The following ATRX variants were observed in gnomAD, a reference collection of about 807,000 sequenced individuals.
ATRX encodes ATRX chromatin remodeler, also known as chromatin remodeler ATRX.
ATRX carries 12 observed loss-of-function variants against 172.6 expected under a neutral mutation model. The ratio of observed to expected loss-of-function variants is 0.07; its 90% confidence interval spans 0.04 to 0.11. ATRX has a LOEUF of 0.11. ATRX is among the 10% of genes least tolerant of loss of function. ATRX has a pLI of 1.00. For synonymous variants in ATRX, 674 were observed against 594.7 expected (o/e 1.13, Z -1.94); for missense variants, 1,368 against 1,767.4 (o/e 0.77, Z 4.05).
chrX:77,696,948 T>C (rs1185664657), intron 4 of ATRX, among the ~76,000 whole-genome samples: 1 of 111,843 alleles, frequency 8.9e-6, no homozygotes, highest in African/African-American at 3.2e-5. Flanking sequence ...GACACTCTTC[T>C]TTAAGAATCA....
chrX:77,593,054 T>C (rs931071546), intron 26 of ATRX, among the ~76,000 whole-genome samples: 1 of 107,343 alleles, frequency 9.3e-6, no homozygotes. Context: ...TGAAACCCTA[T>C]CTCTGCTAAA....
At chrX:77,656,409 T>C (rs182368929) in intron 13 of ATRX, 151 bp downstream of exon 13, 1 of 482,449 alleles carries the variant, frequency 2.1e-6, no homozygotes, top group East Asian at 3.8e-5. Flanking sequence ...TTAGATTCTT[T>C]TTAAACTATT....
chrX:77,528,195 A>G (rs1201259415), intron 30 of ATRX, among the ~76,000 whole-genome samples: 5 of 110,522 alleles, frequency 4.5e-5, no homozygotes, highest in Non-Finnish European at 9.5e-5. Flanking sequence ...TTGTAGCCAG[A>G]CTGCTTCTTT....
intron 30 of ATRX, among the ~76,000 whole-genome samples, chrX:77,527,392 G>A (rs1164799715): frequency 8.9e-6 from 1 of 112,061 alleles, no homozygotes; most frequent in African/African-American, 3.2e-5. Flanking sequence ...GGAGCAAAAG[G>A]AACCCCCACC....
chrX:77,589,794 G>GT, intron 27 of ATRX, 40 bp downstream of exon 27: 2 of 1,088,219 alleles, frequency 1.8e-6, no homozygotes, highest in Non-Finnish European at 2.5e-6. Context: ...GTTTAAATCA[G>GT]TATTTTTAAA....
At chrX:77,632,857 C>T (rs2068175113) in intron 19 of ATRX, among the ~76,000 whole-genome samples, 1 of 111,657 alleles carries the variant, frequency 9.0e-6, no homozygotes, top group South Asian at 3.7e-4. Flanking sequence ...TTTGGAAAGA[C>T]ACAAACTGTT....
intron 27 of ATRX, among the ~76,000 whole-genome samples, chrX:77,586,365 G>A (rs2066021611): frequency 1.8e-5 from 2 of 112,030 alleles, no homozygotes; most frequent in Admixed American, 1.9e-4. Flanking sequence ...CATGAAAGAT[G>A]AAGAATGGAT....
chrX:77,545,223 T>A (rs141207101), intron 30 of ATRX, among the ~76,000 whole-genome samples: 2,086 of 112,174 alleles, frequency 0.019, 40 homozygotes, highest in African/African-American at 0.063. Flanking sequence ...GCACATATAA[T>A]CATCATCCCC....
At chrX:77,700,332 C>T (rs1245349672) in intron 2 of ATRX, among the ~76,000 whole-genome samples, 3 of 112,016 alleles carry the variant, frequency 2.7e-5, no homozygotes, top group Non-Finnish European at 5.6e-5. Context: ...ACACTGACTA[C>T]ATCAAAACTG....
chrX:77,667,077 T>C (rs1300856095), intron 10 of ATRX, among the ~76,000 whole-genome samples: 2 of 109,514 alleles, frequency 1.8e-5, no homozygotes, highest in Non-Finnish European at 3.8e-5. Context: ...TATAGTTCTA[T>C]TTAAAAAAAA....
intron 34 of ATRX, among the ~76,000 whole-genome samples, chrX:77,508,943 CCTTT>C (rs1368375602): frequency 5.3e-5 from 6 of 112,196 alleles, no homozygotes; most frequent in African/African-American, 1.3e-4. Context: ...TGTTAAGACT[CCTTT>C]CTTTGTCATT....
chrX:77,592,544 G>A (rs2066306575), intron 26 of ATRX, among the ~76,000 whole-genome samples: 1 of 111,348 alleles, frequency 9.0e-6, no homozygotes, highest in Non-Finnish European at 1.9e-5. Context: ...CGGGCGTGGT[G>A]TCTCACGCCT....
intron 1 of ATRX, among the ~76,000 whole-genome samples, chrX:77,729,697 G>A (rs1557175222): frequency 8.9e-6 from 1 of 111,794 alleles, no homozygotes; most frequent in African/African-American, 3.2e-5. Flanking sequence ...CACTTTGGGA[G>A]GCCAAGGTGG....
intron 12 of ATRX, 73 bp from the exon 13 acceptor site, chrX:77,656,726 G>T: frequency 1.2e-6 from 1 of 842,175 alleles, no homozygotes; most frequent in Non-Finnish European, 1.7e-6. Context: ...ATTTACCACT[G>T]ACTCGACATT....
At chrX:77,716,110 ATTTTTTTTTTTTTTTTTTTTTTT>A (rs199639051) in intron 2 of ATRX, among the ~76,000 whole-genome samples, 1 of 54,405 alleles carries the variant, frequency 1.8e-5, no homozygotes, top group Non-Finnish European at 2.9e-5. Flanking sequence ...GTCTCTAAAA[ATTTTTTTTTTTTTTTTTTTTTTT>A]TTTTTTTTTT....
At chrX:77,589,451 A>C (rs1367557701) in intron 27 of ATRX, among the ~76,000 whole-genome samples, 1 of 111,911 alleles carries the variant, frequency 8.9e-6, no homozygotes, top group Non-Finnish European at 1.9e-5. Context: ...TTAGAAACCA[A>C]AAAGTTTTAA....
chrX:77,590,088 T>C lies in ATRX; in HGVS notation c.6111-148A>G, dbSNP rs372870011. On this transcript the variant is annotated intron_variant, in intron 26 of 34. Coordinates refer to ENST00000373344, the MANE Select transcript of ATRX (RefSeq NM_000489.6). ...AATTACAAGGTGATTGTAAAATGTA[T>C]ATGAGAATGCCACCTCAGAGGAGGG... is the stretch of plus-strand genomic sequence containing the variant. 1.8e-5 allele frequency: 9 copies of C among 507,154 alleles called. No individual in the cohort carries two copies. In the East Asian group the frequency reaches 2.3e-4, roughly 13 times the overall value. 41.8% of individuals were successfully genotyped at this position (507,154 alleles called of 1,213,427 possible).
At chrX:77,624,091 G>A (rs2067709751) in intron 19 of ATRX, among the ~76,000 whole-genome samples, 1 of 111,889 alleles carries the variant, frequency 8.9e-6, no homozygotes, top group Non-Finnish European at 1.9e-5. Flanking sequence ...TCTGGGCCGG[G>A]TGCGGTGGCT....
At chrX:77,597,807 A>C (rs1343478343) in intron 25 of ATRX, among the ~76,000 whole-genome samples, 1 of 112,167 alleles carries the variant, frequency 8.9e-6, no homozygotes, top group East Asian at 2.8e-4. Flanking sequence ...ATGCTGGAGA[A>C]GGGGCAAAGA....
Sources: allele counts gnomAD v4.1 joint callset (sites outside exome capture counted in the v4.1 genomes callset), GRCh38; gene constraint gnomAD v4.1.1; transcripts MANE v1.5; gene names NCBI Gene and HGNC (gene_info 2026-07-23, HGNC 2026-07-21).